Variants in TNN observed in about 807,000 individuals in gnomAD.
TNN encodes the protein tenascin N, also known as tenascin-N.
TNN carries 122 observed loss-of-function variants against 134.4 expected under a neutral mutation model. The observed-to-expected ratio is 0.91, with a 90% CI of 0.78 to 1.06. The LOEUF (loss-of-function observed/expected upper bound fraction) is 1.06. Among genes scored for constraint, TNN ranks in the 50% least tolerant of loss-of-function variants. TNN has a pLI of 0.00. For synonymous variants in TNN, 710 were observed against 670.3 expected, an observed-to-expected ratio of 1.06 and a Z score of -0.91; for missense variants, 1,739 against 1,699.4, an observed-to-expected ratio of 1.02 and a Z score of -0.41.
intron 1 of TNN, among the ~76,000 whole-genome samples, chr1:175,072,814 C>G (rs1007919160): frequency 6.6e-6 from 1 of 151,946 alleles, no homozygotes. Context: ...CAGGCAACAC[C>G]AAGGGCTCCA....
intron 1 of TNN, among the ~76,000 whole-genome samples, chr1:175,072,384 G>A (rs963694464): frequency 6.6e-6 from 1 of 152,098 alleles, no homozygotes; most frequent in African/African-American, 2.4e-5. Flanking sequence ...AATGCCCTTC[G>A]CTTCATGCAT....
chr1:175,137,365 TG>T (rs1319997357), intron 17 of TNN, among the ~76,000 whole-genome samples: 1 of 34,810 alleles, frequency 2.9e-5, no homozygotes, highest in Non-Finnish European at 6.6e-5. Context: ...TGCACAGTAG[TG>T]TGTGTGTGTG....
intron 11 of TNN, among the ~76,000 whole-genome samples, chr1:175,123,055 T>C (rs965018011): frequency 2.6e-5 from 4 of 152,180 alleles, no homozygotes; most frequent in African/African-American, 9.7e-5. Context: ...TCAAATTCTG[T>C]GAAACAAAAT....
intron 16 of TNN, among the ~76,000 whole-genome samples, chr1:175,136,355 T>C (rs1411932406): frequency 6.6e-6 from 1 of 152,138 alleles, no homozygotes; most frequent in Non-Finnish European, 1.5e-5. Flanking sequence ...CTGGAGCAGA[T>C]GTTCACAGAC....
Position 175,098,307 on chromosome 1 carries a change from A to C in TNN, c.1856-25A>C, listed in dbSNP as rs748235340. 6 of 1,613,966 alleles carry C rather than the reference A, an allele frequency of 3.7e-6. No homozygotes were observed. In the Admixed American group the frequency reaches 1.0e-4, roughly 27 times the overall value. On this transcript the variant is annotated intron_variant, in intron 8 of 18. Transcript: ENST00000239462. Reference sequence around the variant, plus strand: ...TGTCTTCCATGGCTTCAGAGCTTAAACCTTTCCAAACATTTTCCTTCCAGA... The same window carrying C: ...TGTCTTCCATGGCTTCAGAGCTTAACCCTTTCCAAACATTTTCCTTCCAGA...
At chr1:175,109,999 A>G (rs1001991620) in intron 9 of TNN, among the ~76,000 whole-genome samples, 2 of 152,066 alleles carry the variant, frequency 1.3e-5, no homozygotes, top group African/African-American at 4.8e-5. Context: ...CCCTTTCTCC[A>G]CATCCTCACC....
At chr1:175,123,710 G>A (rs777786070) in intron 12 of TNN, 47 bp downstream of exon 12, 4 of 1,605,850 alleles carry the variant, frequency 2.5e-6, no homozygotes, top group South Asian at 1.1e-5. Context: ...CTTATCAGGA[G>A]AGAACCTTCC....
intron 16 of TNN, 61 bp downstream of exon 16, chr1:175,136,002 A>T (rs1268562212): frequency 7.8e-7 from 1 of 1,280,650 alleles, no homozygotes; most frequent in Non-Finnish European, 1.1e-6. Context: ...AGGACAAGCT[A>T]GCTAGGAGGC....
chr1:175,117,395 A>C (rs1675215267), intron 10 of TNN, among the ~76,000 whole-genome samples, 190 bp downstream of exon 10: 1 of 152,210 alleles, frequency 6.6e-6, no homozygotes, highest in Non-Finnish European at 1.5e-5. Flanking sequence ...AGTCAGGGCC[A>C]CAAGGCAGTC....
intron 9 of TNN, among the ~76,000 whole-genome samples, chr1:175,109,446 A>G (rs1381426901): frequency 6.6e-6 from 1 of 151,574 alleles, no homozygotes; most frequent in Non-Finnish European, 1.5e-5. Flanking sequence ...TTACTCCTAC[A>G]CTTCCTAGCC....
Position 175,135,870 on chromosome 1 carries a change from A to C in TNN, c.3356A>C (p.Gln1119Pro), listed in dbSNP as rs1368447835. Residue 1119 changes from glutamine to proline, a missense_variant, in exon 16 of 19, where the codon CAG (glutamine) becomes CCG (proline). By Grantham distance (76) the Gln-to-Pro change is moderately conservative. Transcript: ENST00000239462. ...WIVFQRRNTGQLDFFKRWRSY... is the reference protein window; with the variant it reads ...WIVFQRRNTGPLDFFKRWRSY... The stretch of plus-strand genomic sequence containing the variant: ...GTCTTCCAGAGGCGGAACACTGGGC[A>C]GCTGGATTTCTTCAAGCGATGGAGG... The C allele has an allele frequency of 6.2e-7, 1 of 1,613,952 alleles. No individual in the cohort carries two copies. Among genetic ancestry groups the C allele is most frequent in the South Asian group, 1.1e-5 (1 of 91,076 alleles).
rs1489649929 is a variant in TNN, at chr1:175,097,693, G to A, written c.1855+10G>A. On this transcript the variant is annotated intron_variant, in intron 8 of 18. Coordinates refer to ENST00000239462, the MANE Select transcript of TNN (RefSeq NM_022093.2). ...ACCAACGCCCCGACAGGTAACAAAA[G>A]AGAGATGGTCAATTGGAATTGAGTT... The A allele has an allele frequency of 6.2e-7, 1 of 1,613,886 alleles. No homozygotes were observed. Among genetic ancestry groups the A allele is most frequent in the Admixed American group, 1.7e-5 (1 of 59,962 alleles).
chr1:175,141,924 C>T (rs973117584), intron 17 of TNN, among the ~76,000 whole-genome samples: 20 of 152,188 alleles, frequency 1.3e-4, no homozygotes, highest in African/African-American at 4.8e-4. Flanking sequence ...TGGGTGAAAA[C>T]CTGCTTTACC....
intron 7 of TNN, among the ~76,000 whole-genome samples, chr1:175,096,099 G>A (rs1674562893): frequency 6.6e-6 from 1 of 152,224 alleles, no homozygotes; most frequent in Non-Finnish European, 1.5e-5. Flanking sequence ...AGGACAGTGA[G>A]TTATGTTCTA....
intron 12 of TNN, among the ~76,000 whole-genome samples, chr1:175,125,540 C>T (rs1675484980): frequency 6.6e-6 from 1 of 151,412 alleles, no homozygotes; most frequent in Non-Finnish European, 1.5e-5. Flanking sequence ...CCTCTTCCCT[C>T]CCCCACCTCT....
chr1:175,126,757 G>A (rs1293529087), intron 12 of TNN, among the ~76,000 whole-genome samples, 198 bp from the exon 13 acceptor site: 1 of 152,148 alleles, frequency 6.6e-6, no homozygotes, highest in Admixed American at 6.5e-5. Flanking sequence ...TGTTCTTCTT[G>A]TCTCTAATGG....
chr1:175,125,099 G>C (rs988971592), intron 12 of TNN, among the ~76,000 whole-genome samples: 3 of 152,138 alleles, frequency 2.0e-5, no homozygotes, highest in African/African-American at 7.2e-5. Context: ...TCTGTGAGAC[G>C]AATAGAATAA....
rs1476173602 is a variant in TNN at position 175,079,471 on chromosome 1, A to G, written c.548A>G (p.Asp183Gly). 1.0e-5 allele frequency: 16 copies of G among 1,563,654 alleles called. No individual in the cohort carries two copies. The highest frequency in any genetic ancestry group is 1.3e-5 in the Non-Finnish European group (15 of 1,156,656). ...GACSGHGRCV[D>G]GRCLCHEPYV... ...TGCAGCGGCCACGGGCGTTGCGTGGACGGGCGCTGCCTGTGCCATGAGCCC... is the reference window on the plus strand; with the variant it reads ...TGCAGCGGCCACGGGCGTTGCGTGGGCGGGCGCTGCCTGTGCCATGAGCCC... Residue 183 changes from aspartate (D) to glycine (G), a missense_variant, in exon 3 of 19, where the codon GAC becomes GGC. Transcript: ENST00000239462.
In TNN at chr1:175,121,178, G is replaced by A. The variant is rs558941484; in HGVS notation, c.2651-2222G>A. On this transcript the variant is annotated intron_variant, in intron 11 of 18. Transcript: ENST00000239462. ...GTAGCCACATGTGACTAATGGCTAC[G>A]GTATCGGACTGTGCCGATTATAGAA... 1.2e-4 allele frequency among the ~76,000 whole-genome samples: 18 copies of A among 152,336 alleles called. No homozygotes were observed. In the South Asian group the frequency reaches 2.9e-3, roughly 25 times the overall value.
Sources: gnomAD v4.1 joint callset for allele counts (sites outside exome capture counted in the v4.1 genomes callset) on GRCh38, gnomAD v4.1.1 for gene constraint, MANE v1.5 for transcripts, NCBI Gene and HGNC (gene_info 2026-07-23, HGNC 2026-07-21) for gene names.